IMMP2L: variants seen among roughly 807,000 people sequenced by gnomAD.
The protein encoded by IMMP2L is mitochondrial inner membrane protease subunit 2.
In IMMP2L, 18 loss-of-function variants were observed where a neutral mutation model predicts 19.3. That is an observed-to-expected ratio of 0.93 (90% CI 0.64 to 1.38). The LOEUF is 1.38. IMMP2L is among the 40% of genes most tolerant of loss of function. IMMP2L has a pLI of 0.00. For synonymous variants in IMMP2L, 76 were observed against 73.0 expected, an observed-to-expected ratio of 1.04 and a Z score of -0.21; for missense variants, 233 against 218.2, an observed-to-expected ratio of 1.07 and a Z score of -0.43.
chr7:110,730,184 C>G (rs1028665391), intron 5 of IMMP2L, among the ~76,000 whole-genome samples: 2 of 152,056 alleles, frequency 1.3e-5, no homozygotes, highest in South Asian at 4.1e-4. Flanking sequence ...TATGAGGGTG[C>G]TGCCAAAGGA....
chr7:111,193,679 C>A (rs1464795778), intron 3 of IMMP2L, among the ~76,000 whole-genome samples: 1 of 152,052 alleles, frequency 6.6e-6, no homozygotes, highest in Non-Finnish European at 1.5e-5. Flanking sequence ...TCAGAAAGAG[C>A]CTCTTCATTT....
At chr7:111,204,484 G>C (rs112592349) in intron 3 of IMMP2L, among the ~76,000 whole-genome samples, 1 of 152,008 alleles carries the variant, frequency 6.6e-6, no homozygotes, top group Non-Finnish European at 1.5e-5. Context: ...AATGCCAGTT[G>C]ATCTATATTA....
intron 3 of IMMP2L, among the ~76,000 whole-genome samples, chr7:111,435,498 G>A (rs1837070064): frequency 6.6e-6 from 1 of 151,730 alleles, no homozygotes; most frequent in Admixed American, 6.6e-5. Context: ...CATACAGAGT[G>A]GAACAATGGA....
chr7:111,445,837 C>T (rs111858264), intron 3 of IMMP2L, among the ~76,000 whole-genome samples: 18 of 152,072 alleles, frequency 1.2e-4, no homozygotes, highest in Non-Finnish European at 2.2e-4. Flanking sequence ...TGGGCGCAGG[C>T]CAGTGGGTGC....
intron 5 of IMMP2L, among the ~76,000 whole-genome samples, chr7:110,693,871 C>T (rs1215636588): frequency 1.3e-5 from 2 of 152,108 alleles, no homozygotes; most frequent in Admixed American, 6.5e-5. Flanking sequence ...TCAAGCTAGT[C>T]TTTCTGGGGT....
At chr7:111,268,151 C>G (rs1818022386) in intron 3 of IMMP2L, among the ~76,000 whole-genome samples, 1 of 152,020 alleles carries the variant, frequency 6.6e-6, no homozygotes, top group Non-Finnish European at 1.5e-5. Context: ...TAAATTCTAC[C>G]ATTAGAGATT....
chr7:111,138,337 C>T (rs1321844262), intron 3 of IMMP2L, among the ~76,000 whole-genome samples: 1 of 152,130 alleles, frequency 6.6e-6, no homozygotes, highest in Non-Finnish European at 1.5e-5. Context: ...AGGGTGACAG[C>T]TCATAAAGAA....
chr7:111,048,112 C>A (rs746118522), intron 3 of IMMP2L, among the ~76,000 whole-genome samples: 1 of 151,450 alleles, frequency 6.6e-6, no homozygotes. Context: ...TGGTGGCAGG[C>A]ACCTGTAGTC....
intron 3 of IMMP2L, among the ~76,000 whole-genome samples, chr7:111,198,579 T>C (rs148111599): frequency 6.6e-6 from 1 of 152,312 alleles, no homozygotes; most frequent in African/African-American, 2.4e-5. Context: ...CTGGAATCCA[T>C]AACTATTCCC....
chr7:111,374,001 C>T (rs1292592539), intron 3 of IMMP2L, among the ~76,000 whole-genome samples: 1 of 151,860 alleles, frequency 6.6e-6, no homozygotes, highest in Non-Finnish European at 1.5e-5. Flanking sequence ...ACATCAATTT[C>T]TAATGGTAGG....
At chr7:111,541,601 TTTA>T (rs1316650936) in intron 1 of IMMP2L, among the ~76,000 whole-genome samples, 1 of 152,198 alleles carries the variant, frequency 6.6e-6, no homozygotes, top group Non-Finnish European at 1.5e-5. Flanking sequence ...GAAACTTATT[TTTA>T]TTGTCTCATC....
chr7:111,555,416 G>A (rs1337832220), intron 1 of IMMP2L, among the ~76,000 whole-genome samples: 2 of 151,126 alleles, frequency 1.3e-5, no homozygotes, highest in African/African-American at 2.4e-5. Context: ...TTTGCAAGCC[G>A]GGAAGGAGTA....
At chr7:110,969,426 A>G (rs1201879685) in intron 3 of IMMP2L, among the ~76,000 whole-genome samples, 1 of 152,034 alleles carries the variant, frequency 6.6e-6, no homozygotes, top group Non-Finnish European at 1.5e-5. Flanking sequence ...CCTCTCAAGC[A>G]CGGAGCTTTG....
chr7:111,321,994 C>A (rs1048131998), intron 3 of IMMP2L, among the ~76,000 whole-genome samples: 7 of 151,890 alleles, frequency 4.6e-5, no homozygotes, highest in African/African-American at 7.2e-5. Flanking sequence ...TATGTTAAAG[C>A]CCATAACTAT....
intron 4 of IMMP2L, among the ~76,000 whole-genome samples, chr7:110,914,636 T>G (rs1813398164): frequency 6.6e-6 from 1 of 152,330 alleles, no homozygotes; most frequent in Non-Finnish European, 1.5e-5. Context: ...ATAAATGTGA[T>G]GTTTGTTCCT....
At chr7:111,442,307 C>T (rs1837825409) in intron 3 of IMMP2L, among the ~76,000 whole-genome samples, 1 of 151,792 alleles carries the variant, frequency 6.6e-6, no homozygotes, top group African/African-American at 2.4e-5. Flanking sequence ...AAGTATAGTT[C>T]TACTTCCTTA....
At chr7:111,225,046 G>A (rs2129621404) in intron 3 of IMMP2L, among the ~76,000 whole-genome samples, 1 of 152,176 alleles carries the variant, frequency 6.6e-6, no homozygotes, top group African/African-American at 2.4e-5. Context: ...GGTTGTTTCC[G>A]TTGCAAGCTG....
chr7:111,448,472 G>A (rs1252500323), intron 3 of IMMP2L, among the ~76,000 whole-genome samples: 1 of 147,840 alleles, frequency 6.8e-6, no homozygotes, highest in Non-Finnish European at 1.5e-5. Context: ...GGTACATAAC[G>A]AAATGAAGGC....
At chr7:111,545,004 A>G (rs1453744112) in intron 1 of IMMP2L, among the ~76,000 whole-genome samples, 29 of 152,160 alleles carry the variant, frequency 1.9e-4, no homozygotes, top group Non-Finnish European at 2.6e-4. Context: ...GAAGCAGAAT[A>G]AGACAACATC....
Sources: allele counts gnomAD v4.1 joint callset (sites outside exome capture counted in the v4.1 genomes callset), GRCh38; gene constraint gnomAD v4.1.1; transcripts MANE v1.5; gene names NCBI Gene and HGNC (gene_info 2026-07-23, HGNC 2026-07-21).